The following AKT3 variants were observed in gnomAD, a reference collection of about 807,000 sequenced individuals.
AKT3 encodes RAC-gamma serine/threonine-protein kinase.
A neutral mutation model predicts 65.3 loss-of-function variants in AKT3; 15 were observed. That is an observed-to-expected ratio of 0.23 (90% CI 0.15 to 0.35). AKT3 has a LOEUF of 0.35. Ranked by LOEUF, AKT3 falls within the 10% of genes least tolerant of loss-of-function variation. The probability of loss-of-function intolerance (pLI) is 1.00; values close to 1 mark genes in which losing one functional copy is unlikely to be tolerated. For missense variants in AKT3, 243 were observed against 576.5 expected, an observed-to-expected ratio of 0.42 and a Z score of 5.92; for synonymous variants, 206 against 183.8, an observed-to-expected ratio of 1.12 and a Z score of -0.98.
intron 12 of AKT3, among the ~76,000 whole-genome samples, chr1:243,522,355 T>C (rs989630430): frequency 2.6e-5 from 4 of 152,154 alleles, no homozygotes; most frequent in African/African-American, 9.7e-5. Context: ...CTAATTTTGT[T>C]ATAAAAGCCT....
chr1:243,672,538 GGA>G (rs1272896569), intron 3 of AKT3, among the ~76,000 whole-genome samples: 1 of 152,124 alleles, frequency 6.6e-6, no homozygotes, highest in Non-Finnish European at 1.5e-5. Flanking sequence ...ATAAATAATG[GGA>G]GTCAGACTGG....
intron 2 of AKT3, 31 bp from the exon 3 acceptor site, chr1:243,695,747 GA>G (rs1421574448): frequency 1.6e-5 from 25 of 1,544,046 alleles, no homozygotes; most frequent in Admixed American, 4.1e-5. Flanking sequence ...TGTTAATGCT[GA>G]AAAAAATGAA....
intron 8 of AKT3, among the ~76,000 whole-genome samples, chr1:243,579,467 A>T (rs1189926562): frequency 6.6e-6 from 1 of 152,222 alleles, no homozygotes; most frequent in African/African-American, 2.4e-5. Flanking sequence ...AGTGAAGGGA[A>T]AATAAAGTTT....
intron 6 of AKT3, among the ~76,000 whole-genome samples, chr1:243,617,103 T>C (rs1678382027): frequency 6.6e-6 from 1 of 152,092 alleles, no homozygotes; most frequent in African/African-American, 2.4e-5. Context: ...AGGAAAGAAT[T>C]CCAAGATGTC....
chr1:243,844,236 T>G (rs1695413260), intron 1 of AKT3, among the ~76,000 whole-genome samples: 1 of 152,180 alleles, frequency 6.6e-6, no homozygotes. Flanking sequence ...ACAAGGAAAC[T>G]GAGGCTCACA....
At chr1:243,672,950 T>C (rs1465357252) in intron 3 of AKT3, among the ~76,000 whole-genome samples, 2 of 152,192 alleles carry the variant, frequency 1.3e-5, no homozygotes, top group African/African-American at 4.8e-5. Context: ...TTTGAGACAA[T>C]AGTTAAAATA....
At chr1:243,488,704 C>T (rs547267402) in intron 13 of AKT3, among the ~76,000 whole-genome samples, 9 of 152,194 alleles carry the variant, frequency 5.9e-5, no homozygotes, top group Non-Finnish European at 1.2e-4. Flanking sequence ...GCATTTAGGC[C>T]CCTCATCTTT....
chr1:243,624,172 A>G (rs891317669), intron 6 of AKT3, among the ~76,000 whole-genome samples: 7 of 152,316 alleles, frequency 4.6e-5, no homozygotes, highest in African/African-American at 1.7e-4. Context: ...GCAGACAATG[A>G]CAAACTCTGA....
chr1:243,642,511 G>A (rs2631038), intron 5 of AKT3, among the ~76,000 whole-genome samples: 24,523 of 151,870 alleles, frequency 0.16, 4,786 homozygotes, highest in African/African-American at 0.47. Flanking sequence ...GGGTTTCACC[G>A]TGTTAGCCAG....
intron 11 of AKT3, among the ~76,000 whole-genome samples, chr1:243,552,288 CAAAA>C (rs33995513): frequency 6.0e-5 from 3 of 50,168 alleles, no homozygotes; most frequent in Non-Finnish European, 9.3e-5. Context: ...GACTCTGTCT[CAAAA>C]AAAAAAAAAA....
At chr1:243,699,094 C>T (rs775878736) in intron 2 of AKT3, among the ~76,000 whole-genome samples, 1 of 152,080 alleles carries the variant, frequency 6.6e-6, no homozygotes, top group African/African-American at 2.4e-5. Flanking sequence ...AAAGTCCTAG[C>T]TTTTATGAGG....
In AKT3 at chr1:243,695,682, G is replaced by A. The variant is rs773830227; in HGVS notation, c.81C>T (p.Phe27=). The A allele has an allele frequency of 6.2e-7, 1 of 1,606,844 alleles. No homozygotes were observed. The highest frequency in any genetic ancestry group is 1.1e-5 in the South Asian group (1 of 90,122). ...TGAATGAGCCATCTGTCTTCAAAAG[G>A]AAGTATCTTGGCCTCCAGTTTTTTA... ...EYIKNWRPRY[F]LLKTDGSFIG... The change falls in exon 3 of 14, where the codon TTC becomes TTT. Residue 27 remains phenylalanine (F), a synonymous_variant. Coordinates refer to ENST00000673466, the MANE Select transcript of AKT3 (RefSeq NM_005465.7).
intron 3 of AKT3, among the ~76,000 whole-genome samples, chr1:243,682,342 T>C (rs1241351103): frequency 1.3e-5 from 2 of 152,098 alleles, no homozygotes; most frequent in Admixed American, 6.6e-5. Flanking sequence ...AAAGAGATAA[T>C]GTACCACCTT....
chr1:243,666,332 A>G (rs905934126), intron 3 of AKT3, among the ~76,000 whole-genome samples: 2 of 152,050 alleles, frequency 1.3e-5, no homozygotes, highest in Admixed American at 6.5e-5. Flanking sequence ...GGCCCTTTAC[A>G]CTGAGAGAAA....
intron 2 of AKT3, among the ~76,000 whole-genome samples, chr1:243,841,250 A>G (rs1350897045): frequency 1.3e-5 from 2 of 152,186 alleles, no homozygotes; most frequent in Non-Finnish European, 2.9e-5. Flanking sequence ...TTAATTAAAC[A>G]GACTAAAGAA....
At chr1:243,574,938 G>C (rs148653800) in intron 8 of AKT3, among the ~76,000 whole-genome samples, 8 of 152,190 alleles carry the variant, frequency 5.3e-5, no homozygotes, top group African/African-American at 1.9e-4. Context: ...TATAATATAT[G>C]CAAGATTCTA....
At chr1:243,693,115 C>A in intron 3 of AKT3, among the ~76,000 whole-genome samples, 1 of 150,548 alleles carries the variant, frequency 6.6e-6, no homozygotes, top group East Asian at 2.0e-4. Flanking sequence ...ATACTCTGTT[C>A]TTTTCATATA....
chr1:243,530,858 A>T (rs941465058), intron 12 of AKT3, among the ~76,000 whole-genome samples: 2 of 152,172 alleles, frequency 1.3e-5, no homozygotes, highest in African/African-American at 4.8e-5. Context: ...TTTCTTGAGT[A>T]GCCTAAGCTT....
At chr1:243,696,459 T>C (rs534846625) in intron 2 of AKT3, among the ~76,000 whole-genome samples, 7 of 152,080 alleles carry the variant, frequency 4.6e-5, no homozygotes, top group Admixed American at 1.3e-4. Flanking sequence ...ACATTACAAT[T>C]TGCTTACCTA....
Sources: gnomAD v4.1 joint callset for allele counts (sites outside exome capture counted in the v4.1 genomes callset) on GRCh38, gnomAD v4.1.1 for gene constraint, MANE v1.5 for transcripts, NCBI Gene and HGNC (gene_info 2026-07-23, HGNC 2026-07-21) for gene names.